DLC1: variants seen among roughly 807,000 people sequenced by gnomAD.
DLC1 encodes DLC1 Rho GTPase activating protein.
Under a neutral mutation model 140.3 loss-of-function variants are expected in DLC1, and 54 were observed. The ratio of observed to expected loss-of-function variants is 0.38; its 90% CI spans 0.31 to 0.48. DLC1 has a LOEUF of 0.48. Among genes scored for constraint, DLC1 ranks in the 20% least tolerant of loss-of-function variants. The pLI is 0.96. For synonymous variants in DLC1, 986 were observed against 728.1 expected (o/e 1.35, Z -5.70); for missense variants, 2,536 against 1,907.0 (o/e 1.33, Z -6.14).
chr8:13,201,359 T>C lies in DLC1; in HGVS notation c.1349-85702A>G, dbSNP rs547152202. On this transcript the variant is annotated intron_variant, in intron 5 of 17. Coordinates refer to ENST00000276297, the MANE Select transcript of DLC1 (RefSeq NM_182643.3). Reference sequence around the variant, plus strand: ...ATTAAAATATTCATTACAGTTCACATTGTAAAGATCACTTTGAGTGTAAAA... The same window carrying C: ...ATTAAAATATTCATTACAGTTCACACTGTAAAGATCACTTTGAGTGTAAAA... Among the ~76,000 whole-genome samples, 45 of 152,290 alleles carry C rather than the reference T, an allele frequency of 3.0e-4. 1 individual carries two copies. In the South Asian group the frequency reaches 9.3e-3, roughly 32 times the overall value.
intron 5 of DLC1, among the ~76,000 whole-genome samples, chr8:13,255,842 T>A (rs1242567823): frequency 6.6e-6 from 1 of 152,230 alleles, no homozygotes; most frequent in Non-Finnish European, 1.5e-5. Flanking sequence ...TAAGAAGTAC[T>A]CACTTAATAT....
At chr8:13,125,373 G>T (rs117665510) in intron 5 of DLC1, among the ~76,000 whole-genome samples, 1,694 of 152,282 alleles carry the variant, frequency 0.011, 18 homozygotes, top group Non-Finnish European at 0.016. Flanking sequence ...GCTTCTGTGC[G>T]TGTCTATAGC....
chr8:13,420,990 A>G (rs996852819), intron 2 of DLC1, among the ~76,000 whole-genome samples: 2 of 152,102 alleles, frequency 1.3e-5, no homozygotes, highest in African/African-American at 4.8e-5. Context: ...TACAGATTAT[A>G]CTGAGAAACT....
At chr8:13,104,142 T>C (rs1390312833) in intron 7 of DLC1, among the ~76,000 whole-genome samples, 1 of 152,164 alleles carries the variant, frequency 6.6e-6, no homozygotes, top group Non-Finnish European at 1.5e-5. Flanking sequence ...ATGTGTGCTA[T>C]AGTCACGGCA....
Position 13,095,246 on chromosome 8 carries a change from C to G in DLC1, c.3168-1G>C. On this transcript the variant is annotated splice_acceptor_variant, in intron 10 of 17. Coordinates refer to ENST00000276297, the MANE Select transcript of DLC1 (RefSeq NM_182643.3). LOFTEE classifies it high-confidence loss of function. ...CCTCTTCATGAACTTGGGCACGGCC[C>G]TGTTAAAGAACACAGAGATGGTGGT... The G allele has an allele frequency of 6.2e-7, 1 of 1,614,232 alleles. No individual in the cohort carries two copies. Among genetic ancestry groups the G allele is most frequent in the Non-Finnish European group, 8.5e-7 (1 of 1,180,044 alleles).
intron 5 of DLC1, among the ~76,000 whole-genome samples, chr8:13,173,479 C>G (rs1369888939): frequency 6.9e-6 from 1 of 144,700 alleles, no homozygotes; most frequent in African/African-American, 2.5e-5. Context: ...TGAAGCGATT[C>G]TCCTGCCTCA....
chr8:13,362,373 G>A (rs1273671188), intron 4 of DLC1, among the ~76,000 whole-genome samples: 5 of 152,166 alleles, frequency 3.3e-5, no homozygotes, highest in South Asian at 2.1e-4. Flanking sequence ...GCAGCAAAGC[G>A]TGAAATTAGG....
Position 13,431,504 on chromosome 8 carries a change from A to AAAAG in DLC1, c.1024-29886_1024-29885insCTTT, listed in dbSNP as rs1563340725. On this transcript the variant is annotated intron_variant, in intron 2 of 17. Coordinates refer to ENST00000276297, the MANE Select transcript of DLC1 (RefSeq NM_182643.3). ...TCTCAAAAAAAAAAAAAAAAAAAAAAAAAAAAAAAAAGAAAAGAATCAAGC... is the reference window on the plus strand; with the variant it reads ...TCTCAAAAAAAAAAAAAAAAAAAAAAAAAGAAAAAAAAAAAGAAAAGAATCAAGC... Among the ~76,000 whole-genome samples, 48 of 149,398 alleles carry AAAAG rather than the reference A, an allele frequency of 3.2e-4. 1 individual carries two copies. Among genetic ancestry groups the AAAAG allele is most frequent in the African/African-American group, 1.2e-3 (47 of 40,422 alleles).
intron 1 of DLC1, among the ~76,000 whole-genome samples, chr8:13,604,151 C>T (rs1317338498): frequency 1.3e-5 from 2 of 152,052 alleles, no homozygotes; most frequent in African/African-American, 4.8e-5. Context: ...AAATTGAAAA[C>T]TCCAACACAT....
intron 4 of DLC1, among the ~76,000 whole-genome samples, chr8:13,383,147 A>G (rs927955708): frequency 6.6e-6 from 1 of 152,216 alleles, no homozygotes; most frequent in South Asian, 2.1e-4. Flanking sequence ...GAATGACTCA[A>G]AGGGCACATC....
At chr8:13,462,733 C>G (rs1300952124) in intron 2 of DLC1, among the ~76,000 whole-genome samples, 1 of 152,114 alleles carries the variant, frequency 6.6e-6, no homozygotes, top group Non-Finnish European at 1.5e-5. Flanking sequence ...GTAAATTGTT[C>G]TTATTGCAGA....
At chr8:13,551,866 G>GTA (rs141222211) in intron 1 of DLC1, among the ~76,000 whole-genome samples, 1,443 of 136,308 alleles carry the variant, frequency 0.011, 11 homozygotes, top group African/African-American at 0.011. Context: ...ACAAGTGTGT[G>GTA]TATATATATA....
At chr8:13,600,362 A>T (rs552400082) in intron 1 of DLC1, among the ~76,000 whole-genome samples, 1 of 152,082 alleles carries the variant, frequency 6.6e-6, no homozygotes, top group African/African-American at 2.4e-5. Flanking sequence ...AGTAATTAAA[A>T]TTTCTCAGTA....
chr8:13,090,452 G>T lies in DLC1; in HGVS notation c.3874C>A (p.Arg1292=), dbSNP rs781344948. ...TGTTCGGTATAGGAATTACGACATC[G>T]GCTCATTTCCTCGGGAACCTGTGCG... The part of the protein sequence containing the change: ...KLFQVPEEMS[R]CRNSYTEQEL... Residue 1292 remains arginine, a synonymous_variant, in exon 15 of 18, where the codon CGA becomes AGA. Transcript: ENST00000276297. 1.9e-5 allele frequency: 31 copies of T among 1,613,892 alleles called. No homozygotes were observed. The highest frequency in any genetic ancestry group is 2.5e-5 in the Non-Finnish European group (30 of 1,180,042).
intron 4 of DLC1, among the ~76,000 whole-genome samples, chr8:13,362,991 C>T (rs1261261920): frequency 3.9e-5 from 6 of 152,162 alleles, no homozygotes; most frequent in South Asian, 4.1e-4. Flanking sequence ...TATCACAATG[C>T]GTGCATTCAT....
intron 4 of DLC1, among the ~76,000 whole-genome samples, chr8:13,309,963 C>T (rs1371587865): frequency 1.3e-5 from 2 of 152,046 alleles, no homozygotes; most frequent in African/African-American, 4.8e-5. Flanking sequence ...TGAAATATTT[C>T]TATTAATTTT....
At chr8:13,325,577 C>CA (rs1833306269) in intron 4 of DLC1, among the ~76,000 whole-genome samples, 1 of 152,164 alleles carries the variant, frequency 6.6e-6, no homozygotes. Context: ...GAGACATAAA[C>CA]AAAGCATGCT....
At chr8:13,217,366 G>T (rs1828252606) in intron 5 of DLC1, among the ~76,000 whole-genome samples, 1 of 152,042 alleles carries the variant, frequency 6.6e-6, no homozygotes, top group African/African-American at 2.4e-5. Context: ...GATGTGTGTG[G>T]CATTCTTCTC....
In DLC1 at chr8:13,453,558, T is replaced by TA. The variant is rs1563361094; in HGVS notation, c.1023+45490_1023+45491insT. 2.8e-3 allele frequency among the ~76,000 whole-genome samples: 108 copies of TA among 38,196 alleles called. 2 individuals carry two copies. The highest frequency in any genetic ancestry group is 3.3e-3 in the Non-Finnish European group (73 of 22,192). 25.1% of individuals were successfully genotyped at this position (38,196 alleles called of 152,430 possible). A position where few individuals can be genotyped will look rare whatever the true frequency, so the allele number is the denominator to read the frequency against. On this transcript the variant is annotated intron_variant, in intron 2 of 17. Transcript: ENST00000276297. ...TATATACATATATATATATATATAT[T>TA]TTTTTTTTTTTTTTTTCAGATAGAA...
Sources: allele counts gnomAD v4.1 joint callset (sites outside exome capture counted in the v4.1 genomes callset), GRCh38; gene constraint gnomAD v4.1.1; transcripts MANE v1.5; gene names NCBI Gene and HGNC (gene_info 2026-07-23, HGNC 2026-07-21).